The following GADL1 variants were observed in gnomAD, a reference collection of about 807,000 sequenced individuals.
GADL1 encodes the protein GAD like acidic amino acid decarboxylase 1.
Under a neutral mutation model 69.5 loss-of-function variants are expected in GADL1, and 71 were observed. That is an observed-to-expected ratio of 1.02 (90% confidence interval 0.84 to 1.25). The LOEUF (loss-of-function observed/expected upper bound fraction) is 1.25. Ranked by LOEUF, GADL1 falls within the 50% of genes most tolerant of loss-of-function variation. The pLI, the probability that GADL1 is intolerant of heterozygous loss-of-function variation, is 0.00. For synonymous variants in GADL1, 254 were observed against 214.4 expected (o/e 1.18, Z -1.62); for missense variants, 737 against 631.8 (o/e 1.17, Z -1.79).
At chr3:30,777,707 C>G (rs1391957018) in intron 14 of GADL1, among the ~76,000 whole-genome samples, 1 of 152,248 alleles carries the variant, frequency 6.6e-6, no homozygotes, top group Non-Finnish European at 1.5e-5. Flanking sequence ...CTGAAACCCA[C>G]TGCTTAGCAT....
chr3:30,805,223 G>T (rs1489046940), intron 11 of GADL1, among the ~76,000 whole-genome samples: 1 of 152,188 alleles, frequency 6.6e-6, no homozygotes, highest in Non-Finnish European at 1.5e-5. Flanking sequence ...AACACAGCAA[G>T]TTAATTACCT....
At chr3:30,778,887 T>G (rs950531385) in intron 13 of GADL1, 2 of 152,226 alleles carry the variant, frequency 1.3e-5, no homozygotes, top group African/African-American at 4.8e-5. Flanking sequence ...TCATAGGAAC[T>G]CAGGTTCCTA....
At chr3:30,882,543 T>G (rs543384277) in intron 1 of GADL1, among the ~76,000 whole-genome samples, 1 of 151,994 alleles carries the variant, frequency 6.6e-6, no homozygotes, top group Non-Finnish European at 1.5e-5. Context: ...ATGTATACAC[T>G]ACATTTTGTT....
chr3:30,748,740 A>G (rs1695751549), intron 14 of GADL1, among the ~76,000 whole-genome samples: 1 of 152,244 alleles, frequency 6.6e-6, no homozygotes, highest in Non-Finnish European at 1.5e-5. Context: ...ATATTGTTCA[A>G]TAACTAGAGG....
intron 14 of GADL1, among the ~76,000 whole-genome samples, chr3:30,770,983 CAA>C (rs1445984820): frequency 6.6e-6 from 1 of 152,108 alleles, no homozygotes; most frequent in Non-Finnish European, 1.5e-5. Flanking sequence ...AAAGTAATAA[CAA>C]ATTTTATGCG....
At chr3:30,864,892 G>A (rs951872081) in intron 1 of GADL1, among the ~76,000 whole-genome samples, 12 of 151,836 alleles carry the variant, frequency 7.9e-5, no homozygotes, top group South Asian at 4.2e-4. Flanking sequence ...ACCTTTCTTC[G>A]CCCTTTCCCC....
intron 1 of GADL1, among the ~76,000 whole-genome samples, chr3:30,875,310 A>C (rs905986274): frequency 2.0e-5 from 3 of 151,854 alleles, no homozygotes; most frequent in African/African-American, 7.2e-5. Flanking sequence ...TCTGAAACCA[A>C]TTTTGCAATC....
At chr3:30,781,925 T>TTCC in intron 13 of GADL1, among the ~76,000 whole-genome samples, 1 of 152,336 alleles carries the variant, frequency 6.6e-6, no homozygotes, top group Non-Finnish European at 1.5e-5. Context: ...TATGTTAATT[T>TTCC]CTTGGTACTA....
intron 11 of GADL1, among the ~76,000 whole-genome samples, chr3:30,816,545 T>TCC (rs1697475526): frequency 1.4e-5 from 1 of 73,804 alleles, no homozygotes; most frequent in African/African-American, 5.3e-5. Context: ...TTTTTTTTTT[T>TCC]TTTTTTTTTT....
At chr3:30,778,330 ACTTTTAAAACT>A in intron 13 of GADL1, 62 bp from the exon 14 acceptor site, 2 of 1,033,958 alleles carry the variant, frequency 1.9e-6, no homozygotes, top group African/African-American at 3.7e-5. Flanking sequence ...GCAATGAAAT[ACTTTTAAAACT>A]CTTAGCTAGT....
chr3:30,880,709 G>A (rs1698631400), intron 1 of GADL1, among the ~76,000 whole-genome samples: 1 of 151,878 alleles, frequency 6.6e-6, no homozygotes, highest in African/African-American at 2.4e-5. Context: ...GCATCTTGTG[G>A]AGGATTTTGG....
At chr3:30,866,700 G>T (rs1698408869) in intron 1 of GADL1, among the ~76,000 whole-genome samples, 1 of 152,036 alleles carries the variant, frequency 6.6e-6, no homozygotes, top group Non-Finnish European at 1.5e-5. Flanking sequence ...CAAGATGGTA[G>T]CTGAGTAGTT....
chr3:30,738,951 T>C (rs1316835353), intron 14 of GADL1, among the ~76,000 whole-genome samples: 2 of 152,194 alleles, frequency 1.3e-5, no homozygotes, highest in Non-Finnish European at 1.5e-5. Context: ...ATTGGGAAAT[T>C]AGCAGCTACA....
At position 30,766,080 on chromosome 3, in the gene GADL1, G is replaced by A. The variant is rs1397870575; in HGVS notation, c.1392+12099C>T. Among the ~76,000 whole-genome samples, 4 of 152,078 alleles carry A rather than the reference G, an allele frequency of 2.6e-5. No homozygotes were observed. The East Asian group carries it at 7.7e-4, about 29-fold the overall frequency. On this transcript the variant is annotated intron_variant, in intron 14 of 14. Coordinates refer to ENST00000282538, the MANE Select transcript of GADL1 (RefSeq NM_207359.3). ...GTCAGACATAAAAATTGACTGTATT[G>A]GTTAAATGATATTGGTTAAAAGTTA...
chr3:30,828,495 G>A (rs1697724519), intron 11 of GADL1, among the ~76,000 whole-genome samples: 1 of 149,554 alleles, frequency 6.7e-6, no homozygotes, highest in Non-Finnish European at 1.5e-5. Context: ...GGGTGCGGGG[G>A]AGGGTCTATA....
At chr3:30,824,261 C>G (rs1449041871) in intron 11 of GADL1, among the ~76,000 whole-genome samples, 1 of 149,276 alleles carries the variant, frequency 6.7e-6, no homozygotes, top group Non-Finnish European at 1.5e-5. Flanking sequence ...TTTAACACAA[C>G]AACAAAAGGC....
At chr3:30,838,595 A>C (rs1171210756) in intron 9 of GADL1, among the ~76,000 whole-genome samples, 1 of 152,116 alleles carries the variant, frequency 6.6e-6, no homozygotes, top group African/African-American at 2.4e-5. Context: ...CACATCTACC[A>C]TCCCCCCTCT....
At chr3:30,753,445 T>C (rs987200870) in intron 14 of GADL1, among the ~76,000 whole-genome samples, 31 of 152,264 alleles carry the variant, frequency 2.0e-4, no homozygotes, top group African/African-American at 7.2e-4. Flanking sequence ...TATTTTTTAA[T>C]TTTTAGGAAA....
At chr3:30,755,325 T>TAA (rs751914555) in intron 14 of GADL1, among the ~76,000 whole-genome samples, 19 of 152,046 alleles carry the variant, frequency 1.2e-4, no homozygotes, top group Non-Finnish European at 2.5e-4. Context: ...ATAGCAACAA[T>TAA]AAATGGAGAG....
Sources: allele counts gnomAD v4.1 joint callset (sites outside exome capture counted in the v4.1 genomes callset), GRCh38; gene constraint gnomAD v4.1.1; transcripts MANE v1.5; gene names NCBI Gene and HGNC (gene_info 2026-07-23, HGNC 2026-07-21).